SLC24A2: variants seen among roughly 807,000 people sequenced by gnomAD.
SLC24A2 encodes sodium/potassium/calcium exchanger 2.
In SLC24A2, 36 loss-of-function variants were observed where a neutral mutation model predicts 62.0. The observed-to-expected ratio is 0.58, with a 90% CI of 0.44 to 0.77. The LOEUF is 0.77. Ranked by LOEUF, SLC24A2 falls within the 30% of genes least tolerant of loss-of-function variation. SLC24A2 has a pLI of 0.00. For synonymous variants in SLC24A2, 358 were observed against 294.0 expected (o/e 1.22, Z -2.23); for missense variants, 846 against 817.9 (o/e 1.03, Z -0.42).
At chr9:20,029,618 TG>T in the SLC24A2 span, among the ~76,000 whole-genome samples, 1 of 152,182 alleles carries the variant, frequency 6.6e-6, no homozygotes, top group Non-Finnish European at 1.5e-5. Context: ...CCTATACTTG[TG>T]AAATGTCAGG....
chr9:19,811,104 G>T, the SLC24A2 span, among the ~76,000 whole-genome samples: 1 of 152,152 alleles, frequency 6.6e-6, no homozygotes, highest in Non-Finnish European at 1.5e-5. Context: ...GATTTGGGAG[G>T]TAATTAGGAC....
chr9:19,900,771 A>T, the SLC24A2 span, among the ~76,000 whole-genome samples: 1 of 152,204 alleles, frequency 6.6e-6, no homozygotes, highest in African/African-American at 2.4e-5. Flanking sequence ...TCTGGTGATA[A>T]TCTACTCTAT....
chr9:19,786,436 T>C lies in SLC24A2; in HGVS notation c.431A>G (p.Tyr144Cys), dbSNP rs1823174358. 3 of 1,614,172 alleles carry C rather than the reference T, an allele frequency of 1.9e-6. No individual in the cohort carries two copies. Among genetic ancestry groups the C allele is most frequent in the East Asian group, 2.2e-5 (1 of 44,884 alleles). The change falls in exon 2 of 11, where the codon TAC (tyrosine) becomes TGC (cysteine). Residue 144 changes from tyrosine (Y) to cysteine (C), a missense_variant. Coordinates refer to ENST00000341998, the MANE Select transcript of SLC24A2 (RefSeq NM_020344.4). This position sits in a 1 kb window ranked among gnomAD's most constrained non-coding sequence, Gnocchi z 5.0. ...AIILHVIGMI[Y>C]MFIALAIVCD... ...GACAATGGCTAAGGCTATGAACATGTAGATCATTCCAATGACATGCAGAAT... is the reference window on the plus strand; with the variant it reads ...GACAATGGCTAAGGCTATGAACATGCAGATCATTCCAATGACATGCAGAAT...
chr9:19,864,547 A>G, the SLC24A2 span, among the ~76,000 whole-genome samples: 9 of 152,092 alleles, frequency 5.9e-5, no homozygotes, highest in East Asian at 1.9e-4. Flanking sequence ...TATGCAAATC[A>G]ATTAATGTGA....
rs182905588 is a variant in SLC24A2, at chr9:19,673,741, C to T, written c.931-51442G>A. ...CTGGGATTACAGGTATGAGCCACTG[C>T]GCCCAGACGTGAGTTCTTATGTGTT... On this transcript the variant is annotated intron_variant, in intron 2 of 10. Transcript: ENST00000341998. Among the ~76,000 whole-genome samples the T allele has an allele frequency of 9.2e-5, 14 of 152,226 alleles. No homozygotes were observed. The East Asian group carries it at 9.7e-4, about 11-fold the overall frequency.
intron 2 of SLC24A2, among the ~76,000 whole-genome samples, chr9:19,733,579 T>C (rs756198208): frequency 6.6e-6 from 1 of 152,190 alleles, no homozygotes; most frequent in Admixed American, 6.5e-5. Context: ...TCAGGAAGCA[T>C]TGAATGAATG....
chr9:19,523,090 G>A (rs1232704072), intron 9 of SLC24A2, among the ~76,000 whole-genome samples: 1 of 152,214 alleles, frequency 6.6e-6, no homozygotes, highest in African/African-American at 2.4e-5. Flanking sequence ...GTTGAGGCAC[G>A]AGGATCACTT....
At chr9:19,872,986 T>C in the SLC24A2 span, among the ~76,000 whole-genome samples, 1 of 152,118 alleles carries the variant, frequency 6.6e-6, no homozygotes, top group Non-Finnish European at 1.5e-5. Flanking sequence ...AAGATGTTGG[T>C]TAATGGTTAG....
At chr9:19,907,515 T>G in the SLC24A2 span, among the ~76,000 whole-genome samples, 1 of 152,100 alleles carries the variant, frequency 6.6e-6, no homozygotes, top group Non-Finnish European at 1.5e-5. Flanking sequence ...GTTATTCAAG[T>G]AGGAAAAGAG....
the SLC24A2 span, among the ~76,000 whole-genome samples, chr9:20,244,346 G>A: frequency 6.6e-6 from 1 of 152,164 alleles, no homozygotes; most frequent in African/African-American, 2.4e-5. Flanking sequence ...ATTGTAAAGA[G>A]CAGGAAGGAG....
the SLC24A2 span, among the ~76,000 whole-genome samples, chr9:20,007,259 A>T: frequency 3.8e-3 from 578 of 152,310 alleles, 30 homozygotes; most frequent in South Asian, 0.11. Context: ...AAGAGATGTA[A>T]TAGGTTTCAT....
the SLC24A2 span, among the ~76,000 whole-genome samples, chr9:20,244,054 T>C: frequency 6.6e-6 from 1 of 152,160 alleles, no homozygotes; most frequent in African/African-American, 2.4e-5. Flanking sequence ...GGGCAGCCCA[T>C]GCAGGATGGC....
chr9:19,755,527 C>T (rs187825405), intron 2 of SLC24A2, among the ~76,000 whole-genome samples: 69 of 152,214 alleles, frequency 4.5e-4, no homozygotes, highest in African/African-American at 1.6e-3. Context: ...AAACAGGTGG[C>T]CGGGTGTGGA....
chr9:20,059,275 T>G, the SLC24A2 span, among the ~76,000 whole-genome samples: 6 of 152,086 alleles, frequency 3.9e-5, no homozygotes, highest in South Asian at 6.2e-4. Context: ...TAGAGATAAC[T>G]TGAATAACAG....
chr9:19,658,137 T>C (rs549461425), intron 2 of SLC24A2, among the ~76,000 whole-genome samples: 2 of 152,320 alleles, frequency 1.3e-5, no homozygotes, highest in East Asian at 3.9e-4. Flanking sequence ...CTCTGGCAAG[T>C]AGAGGTCACA....
the SLC24A2 span, among the ~76,000 whole-genome samples, chr9:20,233,942 C>T: frequency 6.6e-6 from 1 of 152,158 alleles, no homozygotes; most frequent in East Asian, 1.9e-4. Context: ...AATCTCTCAG[C>T]TTTTGCTTGT....
chr9:19,634,177 G>C (rs1197664666), intron 2 of SLC24A2, among the ~76,000 whole-genome samples: 1 of 151,896 alleles, frequency 6.6e-6, no homozygotes, highest in Non-Finnish European at 1.5e-5. Flanking sequence ...TTAAAGATTG[G>C]GGTAAAAGGC....
At chr9:20,269,423 C>G in the SLC24A2 span, among the ~76,000 whole-genome samples, 10 of 152,278 alleles carry the variant, frequency 6.6e-5, no homozygotes, top group South Asian at 1.9e-3. Flanking sequence ...TCCTCCCACC[C>G]ATGACTCTCC....
chr9:19,890,001 G>C, the SLC24A2 span, among the ~76,000 whole-genome samples: 1 of 150,428 alleles, frequency 6.6e-6, no homozygotes, highest in African/African-American at 2.4e-5. Context: ...ACTTCTCTTT[G>C]CACACAGTTC....
Sources: allele counts gnomAD v4.1 joint callset (sites outside exome capture counted in the v4.1 genomes callset), GRCh38; gene constraint gnomAD v4.1.1; non-coding constraint Gnocchi (gnomAD v3.1); transcripts MANE v1.5; gene names NCBI Gene and HGNC (gene_info 2026-07-23, HGNC 2026-07-21).